Variants in CRIM1 observed in about 807,000 individuals in gnomAD.
CRIM1 encodes the protein cysteine rich transmembrane BMP regulator 1.
In CRIM1, 32 loss-of-function variants were observed where a neutral mutation model predicts 116.4. That is an observed-to-expected ratio of 0.27 (90% CI 0.21 to 0.37). CRIM1 has a LOEUF of 0.37. Among genes scored for constraint, CRIM1 ranks in the 10% least tolerant of loss-of-function variants. The pLI is 1.00. For missense variants in CRIM1, 1,331 were observed against 1,354.8 expected, an observed-to-expected ratio of 0.98 and a Z score of 0.28; for synonymous variants, 590 against 509.2, an observed-to-expected ratio of 1.16 and a Z score of -2.13.
intron 13 of CRIM1, chr2:36,531,858 T>C: frequency 6.4e-6 from 3 of 469,698 alleles, no homozygotes; most frequent in Non-Finnish European, 1.3e-5. Flanking sequence ...ATAATATTGC[T>C]CATATCTGAA....
At chr2:36,381,489 C>T (rs1009147974) in intron 1 of CRIM1, among the ~76,000 whole-genome samples, 7 of 152,158 alleles carry the variant, frequency 4.6e-5, no homozygotes, top group African/African-American at 1.4e-4. Flanking sequence ...GGAGGAGGAG[C>T]AGGCCAGAAT....
chr2:36,512,855 C>T (rs911285534), intron 10 of CRIM1, among the ~76,000 whole-genome samples: 1 of 152,164 alleles, frequency 6.6e-6, no homozygotes, highest in African/African-American at 2.4e-5. Flanking sequence ...AAGCACATGC[C>T]AGCCCACAGC....
intron 5 of CRIM1, among the ~76,000 whole-genome samples, chr2:36,466,181 C>T (rs544060170): frequency 1.1e-4 from 16 of 152,256 alleles, no homozygotes; most frequent in South Asian, 2.1e-4. Context: ...CCACTGCTTC[C>T]GGCCAATAAT....
chr2:36,444,231 C>T (rs560239862), intron 4 of CRIM1, among the ~76,000 whole-genome samples: 214 of 152,266 alleles, frequency 1.4e-3, no homozygotes, highest in African/African-American at 4.9e-3. Flanking sequence ...ATAGGAGGCA[C>T]GGTCAGCTAT....
At chr2:36,533,109 A>G (rs768203004) in intron 13 of CRIM1, among the ~76,000 whole-genome samples, 20 of 152,178 alleles carry the variant, frequency 1.3e-4, no homozygotes, top group Non-Finnish European at 2.2e-4. Context: ...TGTAGTCTCA[A>G]TTAGATTATG....
chr2:36,548,695 A>T lies in CRIM1; in HGVS notation c.3105A>T (p.Thr1035=). 6.3e-7 allele frequency: 1 copy of T among 1,581,452 alleles called. No individual in the cohort carries two copies. Among genetic ancestry groups the T allele is most frequent in the Non-Finnish European group, 8.6e-7 (1 of 1,169,088 alleles). ...TACAGGCAGACAATTTCTACCAAAC[A>T]GTGTGAAGAAAGGCAACTAGGATGA... ...NHLQADNFYQ[T]V The change falls in exon 17 of 17, where the codon ACA becomes ACT. Residue 1035 remains threonine (T), a synonymous_variant. Transcript: ENST00000280527.
chr2:36,460,747 T>C (rs564258342), intron 4 of CRIM1, among the ~76,000 whole-genome samples: 1 of 152,318 alleles, frequency 6.6e-6, no homozygotes, highest in East Asian at 1.9e-4. Context: ...TTAAGAAACA[T>C]TTATATGACT....
chr2:36,521,086 T>TA (rs1665357250), intron 12 of CRIM1, among the ~76,000 whole-genome samples: 1 of 152,242 alleles, frequency 6.6e-6, no homozygotes. Context: ...CGCACCCACT[T>TA]ACATTTTCCT....
chr2:36,386,555 T>G (rs12712501), intron 1 of CRIM1, among the ~76,000 whole-genome samples: 3 of 152,128 alleles, frequency 2.0e-5, no homozygotes, highest in African/African-American at 4.8e-5. Flanking sequence ...AAGATTCACA[T>G]TGCTTTGATT....
chr2:36,453,127 A>G (rs796636950), intron 4 of CRIM1, among the ~76,000 whole-genome samples: 1 of 152,372 alleles, frequency 6.6e-6, no homozygotes, highest in African/African-American at 2.4e-5. Flanking sequence ...ACACCTTTAC[A>G]TTGGATATGG....
chr2:36,537,058 T>TA (rs1666601369), intron 13 of CRIM1, among the ~76,000 whole-genome samples: 1 of 152,186 alleles, frequency 6.6e-6, no homozygotes, highest in African/African-American at 2.4e-5. Context: ...CTGGACTTTT[T>TA]ATCAATCTCT....
At chr2:36,531,970 G>A (rs1666152411) in intron 13 of CRIM1, 1 of 470,982 alleles carries the variant, frequency 2.1e-6, no homozygotes, top group Non-Finnish European at 4.4e-6. Flanking sequence ...CCCTGACGTA[G>A]TTGACGGTGA....
At chr2:36,404,895 T>A (rs907568245) in intron 2 of CRIM1, among the ~76,000 whole-genome samples, 4 of 152,202 alleles carry the variant, frequency 2.6e-5, no homozygotes, top group Admixed American at 6.5e-5. Context: ...AATGGTAATA[T>A]CATGAGTTTT....
At chr2:36,512,209 A>T in intron 9 of CRIM1, 64 bp from the exon 10 acceptor site, 2 of 1,578,546 alleles carry the variant, frequency 1.3e-6, no homozygotes, top group South Asian at 2.3e-5. Flanking sequence ...CCTTGGTCTG[A>T]GTGCTTGGGC....
intron 2 of CRIM1, among the ~76,000 whole-genome samples, chr2:36,417,972 G>C (rs1673751846): frequency 6.6e-6 from 1 of 152,156 alleles, no homozygotes. Flanking sequence ...CCTAGACCAA[G>C]GAGGTGATGG....
At chr2:36,427,797 G>C (rs891809763) in intron 2 of CRIM1, among the ~76,000 whole-genome samples, 1 of 152,204 alleles carries the variant, frequency 6.6e-6, no homozygotes, top group African/African-American at 2.4e-5. Flanking sequence ...TGTACAGACA[G>C]ATTGCCCTTG....
At chr2:36,542,282 A>C (rs914601829) in intron 14 of CRIM1, among the ~76,000 whole-genome samples, 1 of 152,246 alleles carries the variant, frequency 6.6e-6, no homozygotes, top group East Asian at 1.9e-4. Flanking sequence ...GGAAGTGCTC[A>C]GGAAATATTT....
At chr2:36,518,283 G>A (rs1188982904) in intron 12 of CRIM1, among the ~76,000 whole-genome samples, 5 of 152,094 alleles carry the variant, frequency 3.3e-5, no homozygotes, top group African/African-American at 1.2e-4. Context: ...TTATCAAGTT[G>A]ACAGGACTAG....
intron 1 of CRIM1, among the ~76,000 whole-genome samples, chr2:36,383,139 C>T (rs1284812719): frequency 6.6e-6 from 1 of 151,692 alleles, no homozygotes. Flanking sequence ...TACTTAACTG[C>T]ATGTGGGAAT....
Sources: gnomAD v4.1 joint callset for allele counts (sites outside exome capture counted in the v4.1 genomes callset) on GRCh38, gnomAD v4.1.1 for gene constraint, MANE v1.5 for transcripts, NCBI Gene and HGNC (gene_info 2026-07-23, HGNC 2026-07-21) for gene names.